The following ARHGAP23 variants were observed in gnomAD, a reference collection of about 807,000 sequenced individuals.
The protein encoded by ARHGAP23 is rho GTPase-activating protein 23.
Under a neutral mutation model 136.3 loss-of-function variants are expected in ARHGAP23, and 34 were observed. The observed-to-expected ratio is 0.25, with a 90% CI of 0.19 to 0.33. The LOEUF (loss-of-function observed/expected upper bound fraction) is 0.33, where lower values mean the gene tolerates loss of function less well. Among genes scored for constraint, ARHGAP23 ranks in the 10% least tolerant of loss-of-function variants. The pLI is 1.00. For synonymous variants in ARHGAP23, 832 were observed against 920.5 expected, an observed-to-expected ratio of 0.90 and a Z score of 1.74; for missense variants, 1,808 against 2,139.0, an observed-to-expected ratio of 0.85 and a Z score of 3.05.
chr17:38,483,253 G>T (rs746173435), intron 16 of ARHGAP23, among the ~76,000 whole-genome samples: 4 of 152,246 alleles, frequency 2.6e-5, no homozygotes, highest in Non-Finnish European at 4.4e-5. Flanking sequence ...ACAAACCGCC[G>T]GCTTAGAAAA....
At chr17:38,465,234 G>A (rs994590443) in intron 6 of ARHGAP23, among the ~76,000 whole-genome samples, 3 of 149,786 alleles carry the variant, frequency 2.0e-5, no homozygotes, top group African/African-American at 7.6e-5. Flanking sequence ...GTGTGCGGGG[G>A]TGTGGTTTAG....
Position 38,428,474 on chromosome 17 carries a change from C to T in ARHGAP23, c.-12C>T, listed in dbSNP as rs1251246009. The T allele has an allele frequency of 7.0e-7, 1 of 1,436,294 alleles. No individual in the cohort carries two copies. Among genetic ancestry groups the T allele is most frequent in the Admixed American group, 2.5e-5 (1 of 39,904 alleles). The allele number at this position is 1,436,294 out of a possible 1,614,324, so 89.0% of individuals were successfully genotyped here. A position where few individuals can be genotyped will look rare whatever the true frequency, so the allele number is the denominator to read the frequency against. On this transcript the variant is annotated 5_prime_UTR_variant, in exon 1 of 24. Transcript: ENST00000622683. Reference sequence around the variant, plus strand: ...AGCCGTGCCCCGGCCGCAGAGCCGCCGCTGCCACCCGATGAATGGAGTCGC... The same window carrying T: ...AGCCGTGCCCCGGCCGCAGAGCCGCTGCTGCCACCCGATGAATGGAGTCGC...
intron 1 of ARHGAP23, among the ~76,000 whole-genome samples, chr17:38,452,954 G>T (rs1007408598): frequency 6.6e-6 from 1 of 152,238 alleles, no homozygotes; most frequent in Admixed American, 6.5e-5. Context: ...CCACAGGGGT[G>T]TTGGGGACTC....
At chr17:38,429,783 C>A (rs2038646328) in intron 1 of ARHGAP23, among the ~76,000 whole-genome samples, 1 of 152,154 alleles carries the variant, frequency 6.6e-6, no homozygotes, top group Non-Finnish European at 1.5e-5. Flanking sequence ...ACACATACTT[C>A]ATCTCTATCC....
At chr17:38,474,611 C>T (rs2039845268) in intron 11 of ARHGAP23, among the ~76,000 whole-genome samples, 1 of 152,102 alleles carries the variant, frequency 6.6e-6, no homozygotes, top group Non-Finnish European at 1.5e-5. Flanking sequence ...TGGAGGTGTC[C>T]TGGGGACAGA....
upstream of ARHGAP23, among the ~76,000 whole-genome samples, chr17:38,426,567 A>AAAAAAAAAAAAAAAAAAAAAAAAC (rs2038573625): frequency 6.6e-6 from 1 of 150,756 alleles, no homozygotes; most frequent in African/African-American, 2.4e-5. Context: ...AAAAAAAAAA[A>AAAAAAAAAAAAAAAAAAAAAAAAC]AAAAATCCAG....
At position 38,462,744 on chromosome 17, in the gene ARHGAP23, C is replaced by T. The variant is rs79810687; in HGVS notation, c.254-102C>T. 4.6e-4 allele frequency: 388 copies of T among 836,520 alleles called. 2 individuals are homozygous for T. In the East Asian group the frequency reaches 9.4e-3, roughly 20 times the overall value. The allele number at this position is 836,520 out of a possible 1,614,324, so 51.8% of individuals were successfully genotyped here. ...GAGCCTGTGCATGTTTGTGACCGGA[C>T]GAGTGCAATCATTCTCTGAGTGTGT... On this transcript the variant is annotated intron_variant, in intron 3 of 23. Transcript: ENST00000622683.
Position 38,477,247 on chromosome 17 carries a change from C to A in ARHGAP23, c.2119-332C>A, listed in dbSNP as rs1046995320. On this transcript the variant is annotated intron_variant, in intron 11 of 23. Transcript: ENST00000622683. The surrounding 1 kb of genome is among the most constrained non-coding windows in gnomAD (Gnocchi z 6.6). ...GGGGCGTGGGCTGGGAATGGCATCCCCAGGATTTCATGTATGGAGGGCCAT... is the reference window on the plus strand; with the variant it reads ...GGGGCGTGGGCTGGGAATGGCATCCACAGGATTTCATGTATGGAGGGCCAT... Among the ~76,000 whole-genome samples the A allele has an allele frequency of 9.2e-5, 14 of 151,892 alleles. No homozygotes were observed. The highest frequency in any genetic ancestry group is 3.4e-4 in the African/African-American group (14 of 41,320).
intron 3 of ARHGAP23, 57 bp from the exon 4 acceptor site, chr17:38,462,789 G>A: frequency 2.4e-6 from 3 of 1,244,836 alleles, no homozygotes; most frequent in South Asian, 3.1e-5. Context: ...GTGTGTAGCT[G>A]TGCATGGGTG....
chr17:38,455,124 C>T (rs2039292738), intron 1 of ARHGAP23, among the ~76,000 whole-genome samples: 1 of 152,198 alleles, frequency 6.6e-6, no homozygotes, highest in Non-Finnish European at 1.5e-5. Flanking sequence ...CTATCACTTC[C>T]CCCACCTCAA....
At chr17:38,494,684 C>T (rs2040351928) in intron 20 of ARHGAP23, among the ~76,000 whole-genome samples, 1 of 152,198 alleles carries the variant, frequency 6.6e-6, no homozygotes, top group South Asian at 2.1e-4. Flanking sequence ...CCAAGGAAGC[C>T]CCACAGAAGG....
At chr17:38,466,077 T>C in intron 6 of ARHGAP23, 90 bp from the exon 7 acceptor site, 2 of 1,005,464 alleles carry the variant, frequency 2.0e-6, no homozygotes, top group South Asian at 2.0e-5. Flanking sequence ...TTCATTTCCC[T>C]CCTGGGCTCC....
chr17:38,462,925 G>A lies in ARHGAP23; in HGVS notation c.333G>A (p.Arg111=). ...TGAAGGAAGACGGCCCTGCCCATAG[G>A]GCGGGGCTTCGCACAGGTGAGCTGG... The part of the protein sequence containing the change: ...KNVKEDGPAH[R]AGLRTGDRLV... The change falls in exon 4 of 24, where the codon AGG becomes AGA. Residue 111 remains arginine, a synonymous_variant. Transcript: ENST00000622683. The A allele has an allele frequency of 1.3e-6, 2 of 1,542,120 alleles. No individual in the cohort carries two copies. The highest frequency in any genetic ancestry group is 1.7e-6 in the Non-Finnish European group (2 of 1,144,564).
rs572412233 is a variant in ARHGAP23 at position 38,447,733 on chromosome 17, A to T, written c.64-10369A>T. Among the ~76,000 whole-genome samples, 5 of 152,350 alleles carry T rather than the reference A, an allele frequency of 3.3e-5. No homozygotes were observed. The South Asian group carries it at 1.0e-3, about 32-fold the overall frequency. ...CTTCTTCCCTTTGAGGAGTCTGCAGACAGGCCTAGAGACCAGAATGGAGAC... is the reference window on the plus strand; with the variant it reads ...CTTCTTCCCTTTGAGGAGTCTGCAGTCAGGCCTAGAGACCAGAATGGAGAC... On this transcript the variant is annotated intron_variant, in intron 1 of 23. Coordinates refer to ENST00000622683, the MANE Select transcript of ARHGAP23 (RefSeq NM_001199417.2).
At chr17:38,499,084 C>G (rs374114577) in intron 22 of ARHGAP23, 1 of 656,292 alleles carries the variant, frequency 1.5e-6, no homozygotes, top group African/African-American at 1.8e-5. Flanking sequence ...TTACCCCTGC[C>G]TGTTATCCAC....
chr17:38,464,230 C>T (rs1406475199), intron 6 of ARHGAP23, among the ~76,000 whole-genome samples: 2 of 152,198 alleles, frequency 1.3e-5, no homozygotes, highest in African/African-American at 4.8e-5. Context: ...CAGCCTGCCA[C>T]ACAGAGAGCG....
In ARHGAP23 at chr17:38,510,510, C is replaced by G; in HGVS notation, c.4014C>G (p.Pro1338=). ...PDGEGAGRGG[P]RAPEPPGSAS... ...GCGAGGGCGCGGGCCGGGGCGGTCCCCGCGCCCCGGAGCCGCCCGGCTCGG... is the reference window on the plus strand; with the variant it reads ...GCGAGGGCGCGGGCCGGGGCGGTCCGCGCGCCCCGGAGCCGCCCGGCTCGG... The change falls in exon 24 of 24, where the codon CCC becomes CCG. Residue 1338 remains proline, a synonymous_variant. Coordinates refer to ENST00000622683, the MANE Select transcript of ARHGAP23 (RefSeq NM_001199417.2). The surrounding 1 kb of genome is among the most constrained non-coding windows in gnomAD (Gnocchi z 4.6). 1 of 1,138,418 alleles carries G rather than the reference C, an allele frequency of 8.8e-7. No homozygotes were observed. Among genetic ancestry groups the G allele is most frequent in the Non-Finnish European group, 1.1e-6 (1 of 929,888 alleles). 70.5% of individuals were successfully genotyped at this position (1,138,418 alleles called of 1,614,324 possible).
rs563537596 is a variant in ARHGAP23 at position 38,490,269 on chromosome 17, C to T, written c.3060+94C>T. 2.0e-5 allele frequency: 27 copies of T among 1,340,496 alleles called. No homozygotes were observed. In the East Asian group the frequency reaches 2.3e-4, roughly 11 times the overall value. 83.0% of individuals were successfully genotyped at this position (1,340,496 alleles called of 1,614,324 possible). A position where few individuals can be genotyped will look rare whatever the true frequency, so the allele number is the denominator to read the frequency against. On this transcript the variant is annotated intron_variant, in intron 18 of 23. Transcript: ENST00000622683. ...AGGGAGTCCGGTGCTGCCCACGACCCCTGTGGCCTTGGAGAAGCCCCGCTC... is the reference window on the plus strand; with the variant it reads ...AGGGAGTCCGGTGCTGCCCACGACCTCTGTGGCCTTGGAGAAGCCCCGCTC...
Position 38,510,187 on chromosome 17 carries a change from C to G in ARHGAP23, c.3691C>G (p.Pro1231Ala), listed in dbSNP as rs773719928. The G allele has an allele frequency of 1.3e-5, 17 of 1,346,758 alleles. No individual in the cohort carries two copies. In the South Asian group the frequency reaches 3.0e-4, roughly 24 times the overall value. The allele number at this position is 1,346,758 out of a possible 1,614,324, so 83.4% of individuals were successfully genotyped here. A position where few individuals can be genotyped will look rare whatever the true frequency, so the allele number is the denominator to read the frequency against. The change falls in exon 24 of 24, where the codon CCC becomes GCC. Residue 1231 changes from proline (P) to alanine (A), a missense_variant. Physicochemically the swap from Pro to Ala is conservative, Grantham distance 27. This residue lies in a region of ARHGAP23 where 506 missense variants were observed against 455.8 expected (regional missense o/e 1.11). Coordinates refer to ENST00000622683, the MANE Select transcript of ARHGAP23 (RefSeq NM_001199417.2). This position sits in a 1 kb window ranked among gnomAD's most constrained non-coding sequence, Gnocchi z 4.6. ...CCCCGAGGCCCCCGGACGCCTCAGT[C>G]CCCCGGCGGCGCCGGAGGAGCGGCC... ...VAPEAPGRLS[P>A]PAAPEERPAA... is the part of the protein sequence containing the mutation.
Sources: allele counts gnomAD v4.1 joint callset (sites outside exome capture counted in the v4.1 genomes callset), GRCh38; gene constraint gnomAD v4.1.1; regional missense constraint gnomAD v4.1.1; non-coding constraint Gnocchi (gnomAD v3.1); transcripts MANE v1.5; gene names NCBI Gene and HGNC (gene_info 2026-07-23, HGNC 2026-07-21).